Variants in POLR2B observed in about 807,000 individuals in gnomAD.
The protein encoded by POLR2B is DNA-directed RNA polymerase II subunit RPB2.
In POLR2B, 57 loss-of-function variants were observed where a neutral mutation model predicts 144.6. The observed-to-expected ratio is 0.39, with a 90% CI of 0.32 to 0.49. The LOEUF is 0.49. POLR2B is among the 20% of genes least tolerant of loss of function. POLR2B has a pLI of 0.83. For missense variants in POLR2B, 595 were observed against 1,467.4 expected (o/e 0.41, Z 9.71); for synonymous variants, 442 against 469.8 (o/e 0.94, Z 0.77).
chr4:57,011,301 G>A (rs1051641317), intron 13 of POLR2B, among the ~76,000 whole-genome samples: 1 of 148,956 alleles, frequency 6.7e-6, no homozygotes, highest in Non-Finnish European at 1.5e-5. Context: ...AGGCCGAGGC[G>A]CAGATCACCT....
intron 2 of POLR2B, among the ~76,000 whole-genome samples, chr4:56,989,880 C>A (rs1200321463): frequency 6.6e-6 from 1 of 152,108 alleles, no homozygotes; most frequent in Non-Finnish European, 1.5e-5. Context: ...ATGTCTTTCC[C>A]CACCCCTCAC....
Position 56,990,428 on chromosome 4 carries a change from G to A in POLR2B, c.93-320G>A, listed in dbSNP as rs78484978. ...ATTTGTTGAAATGAGGTCTCATTGC[G>A]TTGCCCAGGCTGAACTCAAGCAATC... On this transcript the variant is annotated intron_variant, in intron 2 of 24. Transcript: ENST00000314595. Among the ~76,000 whole-genome samples, 287 of 152,126 alleles carry A rather than the reference G, an allele frequency of 1.9e-3. 4 individuals are homozygous for A. The East Asian group carries it at 0.05, about 27-fold the overall frequency.
intron 1 of POLR2B, among the ~76,000 whole-genome samples, chr4:56,980,533 G>A (rs890374674): frequency 6.6e-6 from 1 of 152,026 alleles, no homozygotes; most frequent in Non-Finnish European, 1.5e-5. Context: ...AGCAGCCTGG[G>A]CAACATGGGA....
At position 57,017,079 on chromosome 4, in the gene POLR2B, T is replaced by A; in HGVS notation, c.1992T>A (p.Tyr664Ter). 1 of 1,613,096 alleles carries A rather than the reference T, an allele frequency of 6.2e-7. No homozygotes were observed. The highest frequency in any genetic ancestry group is 8.5e-7 in the Non-Finnish European group (1 of 1,179,634). ...QDLVASGVVEYIDTLEEETVM... is the reference protein window; with the variant it reads ...QDLVASGVVE ...TTGTGGCCAGTGGGGTAGTGGAGTATATTGATACCCTGGAAGAAGAAACAG... is the reference window on the plus strand; with the variant it reads ...TTGTGGCCAGTGGGGTAGTGGAGTAAATTGATACCCTGGAAGAAGAAACAG... Residue 664 changes from tyrosine to a stop codon, truncating the protein, a stop_gained, in exon 15 of 25, where the codon TAT becomes TAA. Coordinates refer to ENST00000314595, the MANE Select transcript of POLR2B (RefSeq NM_000938.3). LOFTEE classifies it high-confidence loss of function. This position sits in a 1 kb window ranked among gnomAD's most constrained non-coding sequence, Gnocchi z 4.8.
Position 57,010,453 on chromosome 4 carries a change from A to G in POLR2B, c.1497A>G (p.Arg499=). The G allele has an allele frequency of 6.2e-7, 1 of 1,614,122 alleles. No homozygotes were observed. Among genetic ancestry groups the G allele is most frequent in the Non-Finnish European group, 8.5e-7 (1 of 1,179,994 alleles). ...GAGACGGCAAGCTAGCAAAACCAAG[A>G]CAGTTGCATAATACGTTGTGGGGAA... ...IGRDGKLAKP[R]QLHNTLWGMV... The change falls in exon 11 of 25, where the codon AGA becomes AGG. Residue 499 remains arginine, a synonymous_variant. Coordinates refer to ENST00000314595, the MANE Select transcript of POLR2B (RefSeq NM_000938.3).
intron 2 of POLR2B, among the ~76,000 whole-genome samples, chr4:56,988,385 C>A (rs147886297): frequency 3.3e-5 from 5 of 151,764 alleles, no homozygotes; most frequent in Admixed American, 3.3e-4. Flanking sequence ...AAAGTCTTGG[C>A]GAGGTGGCTC....
intron 18 of POLR2B, among the ~76,000 whole-genome samples, chr4:57,022,867 TGTA>T (rs1470282286): frequency 3.9e-5 from 6 of 152,198 alleles, no homozygotes; most frequent in Non-Finnish European, 7.3e-5. Context: ...GGTGGCTCTG[TGTA>T]GTAGTGAATT....
At chr4:56,981,494 A>G (rs1048010652) in intron 1 of POLR2B, among the ~76,000 whole-genome samples, 1 of 152,280 alleles carries the variant, frequency 6.6e-6, no homozygotes, top group Admixed American at 6.5e-5. Context: ...AGTGACCACC[A>G]TAGTGGTGAT....
At chr4:57,006,677 C>T in intron 9 of POLR2B, 139 bp from the exon 10 acceptor site, 1 of 641,824 alleles carries the variant, frequency 1.6e-6, no homozygotes, top group African/African-American at 1.8e-5. Flanking sequence ...GTGCTTTAGA[C>T]ATAAAAGAGC....
chr4:56,985,351 A>C, intron 1 of POLR2B: 1 of 985,248 alleles, frequency 1.0e-6, no homozygotes. Context: ...GGTAGCCGCG[A>C]GGGACCGGTG....
intron 10 of POLR2B, 111 bp from the exon 11 acceptor site, chr4:57,010,250 G>T: frequency 1.1e-6 from 1 of 936,082 alleles, no homozygotes. Context: ...TAGAGAAATG[G>T]GGAACAGTTT....
In POLR2B at chr4:57,017,748, A is replaced by G. The variant is rs770651616; in HGVS notation, c.2323+20A>G. 17 of 1,596,982 alleles carry G rather than the reference A, an allele frequency of 1.1e-5. No homozygotes were observed. The highest frequency in any genetic ancestry group is 1.7e-5 in the Admixed American group (1 of 57,208). On this transcript the variant is annotated intron_variant, in intron 16 of 24. Transcript: ENST00000314595. The surrounding 1 kb of genome is among the most constrained non-coding windows in gnomAD (Gnocchi z 4.8). Reference sequence around the variant, plus strand: ...CAGCAGGTATGGTCAGTTTTGCTCTACGTTATTTAAGATCCTTCTGTGCTT... The same window carrying G: ...CAGCAGGTATGGTCAGTTTTGCTCTGCGTTATTTAAGATCCTTCTGTGCTT...
chr4:56,998,974 G>C (rs760522638), intron 6 of POLR2B, among the ~76,000 whole-genome samples: 16 of 152,054 alleles, frequency 1.1e-4, no homozygotes, highest in Non-Finnish European at 1.8e-4. Flanking sequence ...TAATATTGAA[G>C]CAAACAAATA....
chr4:57,025,319 T>C, intron 22 of POLR2B, 58 bp from the exon 23 acceptor site: 2 of 1,220,422 alleles, frequency 1.6e-6, no homozygotes, highest in Non-Finnish European at 2.4e-6. Context: ...TATACACATA[T>C]CTTCTTTGAC....
chr4:56,993,194 T>A (rs1722575304), intron 3 of POLR2B, among the ~76,000 whole-genome samples: 1 of 151,830 alleles, frequency 6.6e-6, no homozygotes. Flanking sequence ...TCCCAGCTAC[T>A]TGGGAGGCTG....
At chr4:56,993,751 T>A (rs1026947915) in intron 3 of POLR2B, among the ~76,000 whole-genome samples, 1 of 152,168 alleles carries the variant, frequency 6.6e-6, no homozygotes, top group Non-Finnish European at 1.5e-5. Context: ...TTTTTTAAAA[T>A]AAAAAAATCT....
Position 56,988,181 on chromosome 4 carries a change from C to T in POLR2B, c.92+1755C>T, listed in dbSNP as rs909579548. ...TGGTGGCAGGGTTTGGAGAAGGGGCCGGGGCGGCAGTTGCCATGTTTGGTT... is the reference window on the plus strand; with the variant it reads ...TGGTGGCAGGGTTTGGAGAAGGGGCTGGGGCGGCAGTTGCCATGTTTGGTT... On this transcript the variant is annotated intron_variant, in intron 2 of 24. Coordinates refer to ENST00000314595, the MANE Select transcript of POLR2B (RefSeq NM_000938.3). 3.4e-4 allele frequency among the ~76,000 whole-genome samples: 51 copies of T among 152,078 alleles called. 1 individual carries two copies. Among genetic ancestry groups the T allele is most frequent in the African/African-American group, 9.6e-4 (40 of 41,496 alleles).
At chr4:57,002,304 C>T (rs1722879175) in intron 7 of POLR2B, among the ~76,000 whole-genome samples, 1 of 152,162 alleles carries the variant, frequency 6.6e-6, no homozygotes, top group African/African-American at 2.4e-5. Context: ...GCTGGGATTA[C>T]AGGCGTGAAC....
intron 1 of POLR2B, among the ~76,000 whole-genome samples, chr4:56,981,518 C>T (rs138785661): frequency 8.6e-4 from 131 of 152,314 alleles, no homozygotes; most frequent in African/African-American, 2.9e-3. Flanking sequence ...ACTAATTTTG[C>T]ATTCTTATTA....
Sources: allele counts gnomAD v4.1 joint callset (sites outside exome capture counted in the v4.1 genomes callset), GRCh38; gene constraint gnomAD v4.1.1; non-coding constraint Gnocchi (gnomAD v3.1); transcripts MANE v1.5; gene names NCBI Gene and HGNC (gene_info 2026-07-23, HGNC 2026-07-21).